Variants in OTOF observed in about 807,000 individuals in gnomAD.
OTOF encodes fer-1-like family member 2.
In OTOF, 218 loss-of-function variants were observed where a neutral mutation model predicts 236.8. That is an observed-to-expected ratio of 0.92 (90% CI 0.82 to 1.03). The LOEUF is 1.03. Ranked by LOEUF, OTOF falls within the 50% of genes least tolerant of loss-of-function variation. OTOF has a pLI of 0.00. For missense variants in OTOF, 2,590 were observed against 2,694.4 expected (o/e 0.96, Z 0.86); for synonymous variants, 1,041 against 1,072.5 (o/e 0.97, Z 0.57).
At chr2:26,550,672 G>A (rs528060655) in intron 1 of OTOF, among the ~76,000 whole-genome samples, 13 of 152,238 alleles carry the variant, frequency 8.5e-5, no homozygotes, top group African/African-American at 3.1e-4. Context: ...CTCTTGCCCT[G>A]CCCTGTCACT....
At chr2:26,459,575 A>T (rs927782297) in intron 46 of OTOF, among the ~76,000 whole-genome samples, 1 of 149,808 alleles carries the variant, frequency 6.7e-6, no homozygotes, top group Admixed American at 6.6e-5. Flanking sequence ...AAAAAAAAAA[A>T]ATTGGGTTAC....
At chr2:26,511,132 T>C (rs1446952459) in intron 5 of OTOF, among the ~76,000 whole-genome samples, 1 of 152,204 alleles carries the variant, frequency 6.6e-6, no homozygotes, top group Non-Finnish European at 1.5e-5. Context: ...CCTCCCGGCC[T>C]GGGCCACCCT....
intron 30 of OTOF, 93 bp downstream of exon 30, chr2:26,472,426 C>T (rs1665032125): frequency 1.3e-6 from 2 of 1,534,548 alleles, no homozygotes; most frequent in Non-Finnish European, 1.8e-6. Context: ...TCTTAGTGTC[C>T]TTTTCTCTCG....
Position 26,476,346 on chromosome 2 carries a change from C to T in OTOF, c.2677-29G>A, listed in dbSNP as rs200425694. 13 of 1,595,948 alleles carry T rather than the reference C, an allele frequency of 8.1e-6. No homozygotes were observed. In the East Asian group the frequency reaches 2.2e-4, roughly 27 times the overall value. Reference sequence around the variant, plus strand: ...GGGGTGGGCATGGGGTCACCAGGAGCCTGACGGCTGCCAGGGCCCAAGAGG... The same window carrying T: ...GGGGTGGGCATGGGGTCACCAGGAGTCTGACGGCTGCCAGGGCCCAAGAGG... On this transcript the variant is annotated intron_variant, in intron 22 of 46. Transcript: ENST00000272371.
chr2:26,468,356 G>T, intron 33 of OTOF, 52 bp downstream of exon 33: 1 of 1,419,828 alleles, frequency 7.0e-7, no homozygotes, highest in South Asian at 1.1e-5. Flanking sequence ...CAGGAGAGCT[G>T]ACCACCCAGG....
chr2:26,459,175 G>T (rs569869288), intron 46 of OTOF, among the ~76,000 whole-genome samples: 1 of 152,304 alleles, frequency 6.6e-6, no homozygotes, highest in African/African-American at 2.4e-5. Context: ...ACGGGTGAGA[G>T]CCATTTCCAG....
chr2:26,494,134 T>A (rs1427033456), intron 9 of OTOF, among the ~76,000 whole-genome samples: 1 of 152,220 alleles, frequency 6.6e-6, no homozygotes, highest in East Asian at 1.9e-4. Flanking sequence ...GCCTGGCCCC[T>A]GCTCTATCAG....
chr2:26,507,082 C>T (rs910659750), intron 5 of OTOF, among the ~76,000 whole-genome samples: 4 of 152,224 alleles, frequency 2.6e-5, no homozygotes, highest in Non-Finnish European at 5.9e-5. Flanking sequence ...TCCAACCCTG[C>T]ATAGTTTTAG....
chr2:26,531,304 A>G (rs759883325), intron 2 of OTOF, among the ~76,000 whole-genome samples: 16 of 151,974 alleles, frequency 1.1e-4, no homozygotes, highest in African/African-American at 1.9e-4. Flanking sequence ...TGTTGCAGAA[A>G]CTCTGAGTTT....
intron 46 of OTOF, among the ~76,000 whole-genome samples, chr2:26,458,650 G>A (rs1664305953): frequency 6.6e-6 from 1 of 152,214 alleles, no homozygotes; most frequent in African/African-American, 2.4e-5. Flanking sequence ...CCTGTGGGGT[G>A]CAAGCTGCCC....
chr2:26,557,424 G>A (rs1413446117), intron 1 of OTOF, among the ~76,000 whole-genome samples: 1 of 152,178 alleles, frequency 6.6e-6, no homozygotes. Context: ...GGTGGGTGGT[G>A]AAGGACAGAG....
At chr2:26,469,402 C>T (rs1340455719) in intron 32 of OTOF, among the ~76,000 whole-genome samples, 2 of 152,212 alleles carry the variant, frequency 1.3e-5, no homozygotes, top group Non-Finnish European at 2.9e-5. Context: ...CCTCAATGAT[C>T]TGTTCTCCTA....
chr2:26,488,901 TG>T (rs1665764813), intron 11 of OTOF, among the ~76,000 whole-genome samples: 1 of 152,240 alleles, frequency 6.6e-6, no homozygotes, highest in Non-Finnish European at 1.5e-5. Flanking sequence ...AGCCTGCCTA[TG>T]GCCAGTGATG....
Position 26,473,890 on chromosome 2 carries a change from G to T in OTOF, c.3408+101C>A. 6.7e-7 allele frequency: 1 copy of T among 1,498,592 alleles called. No homozygotes were observed. The highest frequency in any genetic ancestry group is 9.3e-7 in the Non-Finnish European group (1 of 1,077,270). 92.8% of individuals were successfully genotyped at this position (1,498,592 alleles called of 1,614,324 possible). A position where few individuals can be genotyped will look rare whatever the true frequency, so the allele number is the denominator to read the frequency against. On this transcript the variant is annotated intron_variant, in intron 27 of 46. Transcript: ENST00000272371. This position sits in a 1 kb window ranked among gnomAD's most constrained non-coding sequence, Gnocchi z 7.2. Reference sequence around the variant, plus strand: ...GGGCAGGAGCCTGGGTCTGCTGCTGGCTCCTGGTGATGGTGGTGGGAGGGG... The same window carrying T: ...GGGCAGGAGCCTGGGTCTGCTGCTGTCTCCTGGTGATGGTGGTGGGAGGGG...
chr2:26,508,998 G>C (rs1275246944), intron 5 of OTOF, among the ~76,000 whole-genome samples: 1 of 152,214 alleles, frequency 6.6e-6, no homozygotes, highest in Non-Finnish European at 1.5e-5. Context: ...ACAGAGAAGT[G>C]CTAGGAAACC....
At position 26,482,521 on chromosome 2, in the gene OTOF, G is replaced by T. The variant is rs755519159; in HGVS notation, c.1464C>A (p.Phe488Leu). The part of the protein sequence containing the change: ...WNEQVVFTDL[F>L]PPLCKRMKVQ... ...CCTTCATGCGTTTGCAGAGTGGGGG[G>T]AAGAGGTCTGTAAAGACGACCTGCT... Residue 488 changes from phenylalanine to leucine, a missense_variant, in exon 14 of 47, where the codon TTC becomes TTA. By Grantham distance (22) the Phe-to-Leu change is conservative. Transcript: ENST00000272371. The T allele has an allele frequency of 7.4e-6, 12 of 1,613,414 alleles. No homozygotes were observed. The East Asian group carries it at 2.7e-4, about 36-fold the overall frequency.
chr2:26,504,183 C>G (rs1461400483), intron 5 of OTOF, among the ~76,000 whole-genome samples: 1 of 152,160 alleles, frequency 6.6e-6, no homozygotes, highest in Non-Finnish European at 1.5e-5. Context: ...CAGTCTGATC[C>G]CAGCCCCTCA....
intron 3 of OTOF, among the ~76,000 whole-genome samples, chr2:26,520,173 C>T (rs1666642414): frequency 6.6e-6 from 1 of 152,172 alleles, no homozygotes; most frequent in Admixed American, 6.5e-5. Flanking sequence ...AGAATACACA[C>T]ACCATTTCTA....
chr2:26,458,051 G>A lies in OTOF; in HGVS notation c.*187C>T. 3 of 1,613,402 alleles carry A rather than the reference G, an allele frequency of 1.9e-6. No homozygotes were observed. Among genetic ancestry groups the A allele is most frequent in the Non-Finnish European group, 2.5e-6 (3 of 1,179,412 alleles). ...GGAGCTGGCGGCCTTCATGCCCCAA[G>A]GAGCTTTTTGACCATGTAGCCAGGG... is the stretch of plus-strand genomic sequence containing the variant. On this transcript the variant is annotated 3_prime_UTR_variant, in exon 47 of 47. Coordinates refer to ENST00000272371, the MANE Select transcript of OTOF (RefSeq NM_194248.3).
Sources: gnomAD v4.1 joint callset for allele counts (sites outside exome capture counted in the v4.1 genomes callset) on GRCh38, gnomAD v4.1.1 for gene constraint, Gnocchi (gnomAD v3.1) non-coding constraint, MANE v1.5 for transcripts, NCBI Gene and HGNC (gene_info 2026-07-23, HGNC 2026-07-21) for gene names.